TRIM66: variants seen among roughly 807,000 people sequenced by gnomAD.
TRIM66 encodes the protein tripartite motif containing 66.
TRIM66 carries 99 observed loss-of-function variants against 148.2 expected under a neutral mutation model. That is an observed-to-expected ratio of 0.67 (90% CI 0.57 to 0.79). The LOEUF (loss-of-function observed/expected upper bound fraction) is 0.79. Ranked by LOEUF, TRIM66 falls within the 30% of genes least tolerant of loss-of-function variation. The pLI is 0.00. For missense variants in TRIM66, 1,666 were observed against 1,697.9 expected, an observed-to-expected ratio of 0.98 and a Z score of 0.33; for synonymous variants, 616 against 635.9, an observed-to-expected ratio of 0.97 and a Z score of 0.47.
At chr11:8,628,763 C>T (rs931301077) in intron 15 of TRIM66, among the ~76,000 whole-genome samples, 1 of 151,900 alleles carries the variant, frequency 6.6e-6, no homozygotes, top group Admixed American at 6.6e-5. Flanking sequence ...TTCCTTCCCC[C>T]TCTTCTCCTC....
chr11:8,621,751 G>A lies in TRIM66; in HGVS notation c.3149C>T (p.Ser1050Leu), dbSNP rs115468571. 9.4e-4 allele frequency: 1,465 copies of A among 1,551,582 alleles called. 13 individuals are homozygous for A. The African/African-American group carries it at 0.017, about 18-fold the overall frequency. ...CAGTTTGAACACAGGCATCTCTCCTGAGGAGGCAGCACAGATCTTGAGTCG... is the reference window on the plus strand; with the variant it reads ...CAGTTTGAACACAGGCATCTCTCCTAAGGAGGCAGCACAGATCTTGAGTCG... ...LERLKICAAS[S>L]GEMPVFKLKP... The change falls in exon 19 of 25, where the codon TCA (serine) becomes TTA (leucine). Residue 1050 changes from serine to leucine, a missense_variant. By Grantham distance (145) the Ser-to-Leu change is moderately radical. This residue lies in a region of TRIM66 where 1,431 missense variants were observed against 1,412.4 expected (regional missense o/e 1.01). Transcript: ENST00000646038.
intron 6 of TRIM66, among the ~76,000 whole-genome samples, chr11:8,658,085 G>A (rs888324409): frequency 1.3e-5 from 2 of 152,230 alleles, no homozygotes; most frequent in Non-Finnish European, 2.9e-5. Context: ...AGGGTAAGGG[G>A]AGCAGCCTGG....
Position 8,620,089 on chromosome 11 carries a change from A to G in TRIM66, c.3708T>C (p.Asn1236=), listed in dbSNP as rs2034061892. The G allele has an allele frequency of 6.4e-7, 1 of 1,551,740 alleles. No homozygotes were observed. Among genetic ancestry groups the G allele is most frequent in the Non-Finnish European group, 8.7e-7 (1 of 1,146,984 alleles). The change falls in exon 22 of 25, where the codon AAT becomes AAC. Residue 1236 remains asparagine (N), a synonymous_variant. Transcript: ENST00000646038. ...GTTCATGGAAGGGCAGGCTGAGGTT[A>G]TTGCAGCACAAGGACAATACCAGCT... is the stretch of plus-strand genomic sequence containing the variant. ...CEKLVLSLCC[N]NLSLPFHEPV...
intron 6 of TRIM66, among the ~76,000 whole-genome samples, chr11:8,657,833 A>G (rs2037962469): frequency 6.6e-6 from 1 of 152,250 alleles, no homozygotes; most frequent in African/African-American, 2.4e-5. Flanking sequence ...CCTGCTAGAA[A>G]GACAAATTTT....
chr11:8,682,526 G>A, intron 1 of TRIM66, 75 bp downstream of exon 1: 2 of 507,784 alleles, frequency 3.9e-6, no homozygotes, highest in East Asian at 3.7e-5. Context: ...AAGCACGGGC[G>A]GCGTGCAGTA....
chr11:8,636,719 C>A (rs545287295), intron 15 of TRIM66, among the ~76,000 whole-genome samples: 1 of 152,260 alleles, frequency 6.6e-6, no homozygotes, highest in East Asian at 1.9e-4. Context: ...CCTCCTGTTT[C>A]TCCTCTGTAC....
chr11:8,631,857 T>C (rs1485815913), intron 15 of TRIM66, among the ~76,000 whole-genome samples: 3 of 152,232 alleles, frequency 2.0e-5, no homozygotes, highest in Non-Finnish European at 4.4e-5. Flanking sequence ...CTGTTTTTGC[T>C]GCTGTTCCAA....
intron 9 of TRIM66, 143 bp downstream of exon 9, chr11:8,648,273 G>A: frequency 1.5e-6 from 2 of 1,345,648 alleles, no homozygotes; most frequent in African/African-American, 1.5e-5. Flanking sequence ...TCCTACAACA[G>A]GAGCAGAGAA....
At chr11:8,643,269 C>A (rs2036557190) in intron 12 of TRIM66, 143 bp from the exon 13 acceptor site, 3 of 581,352 alleles carry the variant, frequency 5.2e-6, no homozygotes, top group Non-Finnish European at 8.8e-6. Flanking sequence ...CATTCTCTTG[C>A]ACCTTAGCAC....
chr11:8,624,582 A>C, intron 16 of TRIM66, 31 bp from the exon 17 acceptor site: 1 of 1,513,174 alleles, frequency 6.6e-7, no homozygotes, highest in South Asian at 1.3e-5. Context: ...ACAAGAATCA[A>C]AGAACTCAGA....
chr11:8,655,005 C>A (rs1371942176), intron 6 of TRIM66, among the ~76,000 whole-genome samples: 2 of 152,116 alleles, frequency 1.3e-5, no homozygotes, highest in Admixed American at 6.6e-5. Context: ...GGATTACAGG[C>A]ACCTGCCACT....
intron 6 of TRIM66, among the ~76,000 whole-genome samples, chr11:8,654,242 C>G (rs1393961463): frequency 6.6e-6 from 1 of 152,214 alleles, no homozygotes; most frequent in Non-Finnish European, 1.5e-5. Flanking sequence ...GACCTTATCT[C>G]TCTCTAATCT....
chr11:8,646,140 C>T (rs1031503541), intron 11 of TRIM66, among the ~76,000 whole-genome samples: 6 of 152,180 alleles, frequency 3.9e-5, no homozygotes, highest in Non-Finnish European at 8.8e-5. Context: ...GTCTACATCT[C>T]TTGGGCATAA....
intron 6 of TRIM66, among the ~76,000 whole-genome samples, chr11:8,652,353 C>T (rs943719361): frequency 6.6e-6 from 1 of 152,034 alleles, no homozygotes; most frequent in South Asian, 2.1e-4. Flanking sequence ...TGGAAGATCT[C>T]GAAGCTAAAG....
At chr11:8,666,341 G>GA (rs558326812) in intron 6 of TRIM66, among the ~76,000 whole-genome samples, 334 of 23,526 alleles carry the variant, frequency 0.014, 17 homozygotes, top group East Asian at 0.063. Context: ...CTCCGCCTCA[G>GA]AAAAAAAAAA....
At chr11:8,619,052 C>T in intron 23 of TRIM66, 84 bp from the exon 24 acceptor site, 2 of 1,285,756 alleles carry the variant, frequency 1.6e-6, no homozygotes, top group Non-Finnish European at 2.2e-6. Context: ...ACACAGAGCA[C>T]AAAGCCTAGC....
In TRIM66 at chr11:8,641,003, G is replaced by C; in HGVS notation, c.1372C>G (p.Pro458Ala). The change falls in exon 14 of 25, where the codon CCA becomes GCA. Residue 458 changes from proline (P) to alanine (A), a missense_variant. By Grantham distance (27) the Pro-to-Ala change is conservative. Transcript: ENST00000646038. ...CACACAGATGAGGAGCACACTGCTG[G>C]AGACTGGAACTTGTGTGAGGGGTGG... ...LSHPSHKFQSPAVCSSSVCCS... is the reference protein window; with the variant it reads ...LSHPSHKFQSAAVCSSSVCCS... 1 of 1,551,454 alleles carries C rather than the reference G, an allele frequency of 6.4e-7. No individual in the cohort carries two copies.
At chr11:8,650,847 T>C (rs1372178943) in intron 7 of TRIM66, among the ~76,000 whole-genome samples, 3 of 152,102 alleles carry the variant, frequency 2.0e-5, no homozygotes, top group African/African-American at 4.8e-5. Context: ...AGCAGGAAAT[T>C]CAATGTGCTT....
chr11:8,669,263 A>C (rs1190048280), intron 6 of TRIM66, among the ~76,000 whole-genome samples: 2 of 152,228 alleles, frequency 1.3e-5, no homozygotes, highest in African/African-American at 4.8e-5. Context: ...ATTACGGTAA[A>C]GTCACAGGCA....
Sources: allele counts gnomAD v4.1 joint callset (sites outside exome capture counted in the v4.1 genomes callset), GRCh38; gene constraint gnomAD v4.1.1; regional missense constraint gnomAD v4.1.1; transcripts MANE v1.5; gene names NCBI Gene and HGNC (gene_info 2026-07-23, HGNC 2026-07-21).